LHFPL6: variants seen among roughly 807,000 people sequenced by gnomAD.
LHFPL6 encodes the protein LHFPL tetraspan subfamily member 6.
Under a neutral mutation model 20.6 loss-of-function variants are expected in LHFPL6, and 9 were observed. That is an observed-to-expected ratio of 0.44 (90% CI 0.26 to 0.76). The LOEUF is 0.76. Among genes scored for constraint, LHFPL6 ranks in the 30% least tolerant of loss-of-function variants. LHFPL6 has a pLI of 0.20. For missense variants in LHFPL6, 218 were observed against 253.5 expected (o/e 0.86, Z 0.95); for synonymous variants, 105 against 98.7 (o/e 1.06, Z -0.38).
intron 3 of LHFPL6, among the ~76,000 whole-genome samples, chr13:39,377,275 T>C (rs1295118107): frequency 6.6e-6 from 1 of 152,260 alleles, no homozygotes; most frequent in African/African-American, 2.4e-5. Flanking sequence ...AAGGGTCCTA[T>C]GTCATGAAAA....
At chr13:39,593,136 A>G (rs1387853695) in intron 2 of LHFPL6, among the ~76,000 whole-genome samples, 1 of 152,176 alleles carries the variant, frequency 6.6e-6, no homozygotes. Flanking sequence ...ATCAGGCAGG[A>G]GAAGGAAATA....
intron 2 of LHFPL6, among the ~76,000 whole-genome samples, chr13:39,570,217 C>T (rs979317969): frequency 6.6e-6 from 1 of 152,196 alleles, no homozygotes; most frequent in East Asian, 1.9e-4. Context: ...ACCATAGTCA[C>T]TGTAACCTGG....
intron 2 of LHFPL6, among the ~76,000 whole-genome samples, chr13:39,502,293 T>A (rs1423057514): frequency 6.6e-6 from 1 of 152,056 alleles, no homozygotes; most frequent in Non-Finnish European, 1.5e-5. Flanking sequence ...CTCCTCCTGA[T>A]CATACAAGAG....
chr13:39,359,894 G>A (rs1193925580), intron 3 of LHFPL6, among the ~76,000 whole-genome samples: 1 of 152,180 alleles, frequency 6.6e-6, no homozygotes. Context: ...TGCATGGTAG[G>A]ATTTGGACTC....
intron 3 of LHFPL6, among the ~76,000 whole-genome samples, chr13:39,375,063 TAAG>T (rs1870251384): frequency 6.6e-6 from 1 of 152,172 alleles, no homozygotes; most frequent in Admixed American, 6.5e-5. Flanking sequence ...TATTCTCCAA[TAAG>T]AAGGGCATGA....
At chr13:39,591,990 G>A (rs1305838496) in intron 2 of LHFPL6, among the ~76,000 whole-genome samples, 1 of 151,978 alleles carries the variant, frequency 6.6e-6, no homozygotes, top group African/African-American at 2.4e-5. Flanking sequence ...CAGTTACTAA[G>A]GAGGCCAAGG....
In LHFPL6 at chr13:39,568,693, C is replaced by T. The variant is rs116473562; in HGVS notation, c.385+32139G>A. Among the ~76,000 whole-genome samples, 423 of 152,274 alleles carry T rather than the reference C, an allele frequency of 2.8e-3. 2 individuals are homozygous for T. The highest frequency in any genetic ancestry group is 9.7e-3 in the African/African-American group (403 of 41,542). ...TGCATGATGCATAACTCAAAAACTCCTTCCTGCCCATCTCAGAAGCTCCAG... is the reference window on the plus strand; with the variant it reads ...TGCATGATGCATAACTCAAAAACTCTTTCCTGCCCATCTCAGAAGCTCCAG... On this transcript the variant is annotated intron_variant, in intron 2 of 3. Transcript: ENST00000379589.
intron 2 of LHFPL6, among the ~76,000 whole-genome samples, chr13:39,484,876 C>T (rs1233031539): frequency 1.3e-5 from 2 of 152,188 alleles, no homozygotes; most frequent in Non-Finnish European, 1.5e-5. Flanking sequence ...GTGTAGGTGA[C>T]TGCCTACCAT....
intron 2 of LHFPL6, among the ~76,000 whole-genome samples, chr13:39,520,526 G>A (rs1346129628): frequency 6.6e-6 from 1 of 152,194 alleles, no homozygotes. Flanking sequence ...AAGAGTCCAA[G>A]TCTTCCAGAC....
intron 2 of LHFPL6, among the ~76,000 whole-genome samples, chr13:39,494,344 T>C (rs9603550): frequency 0.31 from 47,328 of 152,134 alleles, 7,830 homozygotes; most frequent in Middle Eastern, 0.43. Flanking sequence ...CTGTGGTAGA[T>C]AGGGAAATAA....
intron 2 of LHFPL6, among the ~76,000 whole-genome samples, chr13:39,536,246 C>T (rs1029990355): frequency 6.6e-6 from 1 of 152,170 alleles, no homozygotes; most frequent in African/African-American, 2.4e-5. Flanking sequence ...TTTAATTACA[C>T]ATCAAGTGAT....
At chr13:39,545,946 T>C (rs966926847) in intron 2 of LHFPL6, among the ~76,000 whole-genome samples, 2 of 152,122 alleles carry the variant, frequency 1.3e-5, no homozygotes, top group Non-Finnish European at 2.9e-5. Flanking sequence ...AACTGTATTA[T>C]TTTTATTGTT....
At chr13:39,480,555 C>A (rs950665083) in intron 2 of LHFPL6, among the ~76,000 whole-genome samples, 25 of 152,166 alleles carry the variant, frequency 1.6e-4, no homozygotes, top group Non-Finnish European at 1.5e-5. Context: ...TGATTGGTAG[C>A]TTGTGAATAG....
chr13:39,392,778 T>C (rs1372884210), intron 2 of LHFPL6, among the ~76,000 whole-genome samples: 4 of 151,974 alleles, frequency 2.6e-5, no homozygotes, highest in Admixed American at 1.3e-4. Flanking sequence ...ACGAGATACA[T>C]TTTAAGGTAT....
intron 2 of LHFPL6, among the ~76,000 whole-genome samples, chr13:39,431,772 T>C (rs646633): frequency 0.95 from 141,443 of 149,160 alleles, 67,556 homozygotes; most frequent in East Asian, 1. Flanking sequence ...CAAACCTGTT[T>C]GTTCTATTTT....
chr13:39,509,439 C>T (rs563562580), intron 2 of LHFPL6, among the ~76,000 whole-genome samples: 1 of 152,062 alleles, frequency 6.6e-6, no homozygotes, highest in East Asian at 1.9e-4. Context: ...TAGGAACATA[C>T]TACGGTTCAG....
At chr13:39,564,116 G>A (rs1871637284) in intron 2 of LHFPL6, among the ~76,000 whole-genome samples, 1 of 54,996 alleles carries the variant, frequency 1.8e-5, no homozygotes, top group South Asian at 1.0e-3. Flanking sequence ...TTTTCCTCTG[G>A]AGCATTTTAT....
intron 2 of LHFPL6, among the ~76,000 whole-genome samples, chr13:39,587,768 A>G (rs969015467): frequency 2.1e-4 from 32 of 152,174 alleles, no homozygotes; most frequent in African/African-American, 7.0e-4. Context: ...ATTGCTGTCC[A>G]TTAGATAGGA....
chr13:39,446,199 T>C (rs960317253), intron 2 of LHFPL6, among the ~76,000 whole-genome samples: 7 of 152,156 alleles, frequency 4.6e-5, no homozygotes, highest in African/African-American at 9.7e-5. Flanking sequence ...GGAAGAAATA[T>C]GAAGATTCAG....
Sources: gnomAD v4.1 joint callset for allele counts (sites outside exome capture counted in the v4.1 genomes callset) on GRCh38, gnomAD v4.1.1 for gene constraint, MANE v1.5 for transcripts, NCBI Gene and HGNC (gene_info 2026-07-23, HGNC 2026-07-21) for gene names.